The following LRP1B variants were observed in gnomAD, a reference collection of about 807,000 sequenced individuals.
The protein encoded by LRP1B is LDL receptor related protein 1B.
Under a neutral mutation model 556.6 loss-of-function variants are expected in LRP1B, and 217 were observed. That is an observed-to-expected ratio of 0.39 (90% CI 0.35 to 0.44). The LOEUF is 0.44. Among genes scored for constraint, LRP1B ranks in the 20% least tolerant of loss-of-function variants. The pLI is 1.00. For missense variants in LRP1B, 5,053 were observed against 5,620.8 expected, an observed-to-expected ratio of 0.90 and a Z score of 3.23; for synonymous variants, 2,047 against 1,865.8, an observed-to-expected ratio of 1.10 and a Z score of -2.50.
chr2:140,284,298 C>G (rs897210052), intron 84 of LRP1B, among the ~76,000 whole-genome samples: 1 of 125,308 alleles, frequency 8.0e-6, no homozygotes, highest in African/African-American at 3.1e-5. Context: ...TGGCTTCCCC[C>G]CCTCCCCCCC....
At chr2:140,405,155 C>G (rs943378914) in intron 66 of LRP1B, among the ~76,000 whole-genome samples, 3 of 152,112 alleles carry the variant, frequency 2.0e-5, no homozygotes, top group Non-Finnish European at 4.4e-5. Flanking sequence ...TGAAAAAATT[C>G]TTTGAGATGA....
At chr2:140,792,895 A>G (rs1360798564) in intron 32 of LRP1B, among the ~76,000 whole-genome samples, 1 of 152,064 alleles carries the variant, frequency 6.6e-6, no homozygotes, top group Non-Finnish European at 1.5e-5. Context: ...CAAGCTCTGA[A>G]AATAACTAGT....
At chr2:141,145,672 T>C (rs1028364312) in intron 7 of LRP1B, among the ~76,000 whole-genome samples, 2 of 151,638 alleles carry the variant, frequency 1.3e-5, no homozygotes, top group East Asian at 3.9e-4. Context: ...TAGCTGGGAT[T>C]ATAGGCACGC....
At chr2:140,442,335 C>T (rs1878741) in intron 66 of LRP1B, among the ~76,000 whole-genome samples, 169 bp downstream of exon 66, 35,984 of 152,152 alleles carry the variant, frequency 0.24, 4,606 homozygotes, top group Non-Finnish European at 0.28. Context: ...CTCCAGGCTT[C>T]TTGTAAAGTA....
At chr2:140,477,858 T>A (rs1197742206) in intron 59 of LRP1B, among the ~76,000 whole-genome samples, 4 of 152,088 alleles carry the variant, frequency 2.6e-5, no homozygotes, top group Non-Finnish European at 4.4e-5. Flanking sequence ...GGCCCAAATA[T>A]ACCTCTCCAA....
intron 6 of LRP1B, among the ~76,000 whole-genome samples, chr2:141,219,302 C>T (rs1682940529): frequency 6.6e-6 from 1 of 152,190 alleles, no homozygotes; most frequent in Non-Finnish European, 1.5e-5. Context: ...AGAGGAATTC[C>T]CCCACAGCGA....
chr2:141,824,364 T>C lies in LRP1B; in HGVS notation c.83-13963A>G, dbSNP rs111566207. Among the ~76,000 whole-genome samples the C allele has an allele frequency of 4.3e-3, 657 of 152,290 alleles. 6 individuals are homozygous for C. The highest frequency in any genetic ancestry group is 0.015 in the African/African-American group (633 of 41,570). ...ACATCTGTCAAAAAGCCTGTTCTCA[T>C]AACCCTTCATGGAATTTTTCTCAAG... On this transcript the variant is annotated intron_variant, in intron 1 of 90. Coordinates refer to ENST00000389484, the MANE Select transcript of LRP1B (RefSeq NM_018557.3).
At chr2:141,521,897 T>A (rs1684541257) in intron 2 of LRP1B, among the ~76,000 whole-genome samples, 1 of 152,168 alleles carries the variant, frequency 6.6e-6, no homozygotes, top group African/African-American at 2.4e-5. Context: ...TTTTAACAAA[T>A]ATATACTGAG....
chr2:141,067,143 GAAC>G (rs1213516011), intron 7 of LRP1B, among the ~76,000 whole-genome samples: 1 of 151,750 alleles, frequency 6.6e-6, no homozygotes, highest in Admixed American at 6.6e-5. Context: ...TACAAAACTT[GAAC>G]AAGAAAGTAA....
intron 43 of LRP1B, among the ~76,000 whole-genome samples, chr2:140,560,334 T>C (rs539437788): frequency 6.6e-5 from 10 of 152,174 alleles, no homozygotes; most frequent in Non-Finnish European, 1.0e-4. Flanking sequence ...AGTTTATTAA[T>C]ACAGTTGCAG....
At chr2:140,491,231 G>T (rs1461713016) in intron 57 of LRP1B, among the ~76,000 whole-genome samples, 3 of 152,088 alleles carry the variant, frequency 2.0e-5, no homozygotes, top group African/African-American at 7.2e-5. Flanking sequence ...TGAAGATAAT[G>T]AATATTGTTC....
At chr2:141,282,861 G>A (rs570372231) in intron 3 of LRP1B, among the ~76,000 whole-genome samples, 15 of 152,212 alleles carry the variant, frequency 9.9e-5, no homozygotes, top group South Asian at 2.1e-4. Flanking sequence ...AATGTCTTAC[G>A]GGTGTAGAGG....
intron 84 of LRP1B, among the ~76,000 whole-genome samples, chr2:140,287,904 T>C (rs1216551273): frequency 9.0e-5 from 1 of 11,066 alleles, no homozygotes; most frequent in Non-Finnish European, 8.0e-4. Context: ...GTTGGAACTT[T>C]CACTTTATTT....
chr2:141,436,521 G>C (rs1680771426), intron 3 of LRP1B, among the ~76,000 whole-genome samples: 1 of 151,886 alleles, frequency 6.6e-6, no homozygotes, highest in African/African-American at 2.4e-5. Flanking sequence ...ACAATTTCTA[G>C]AGACCTTTCC....
chr2:142,063,441 G>C lies in LRP1B; in HGVS notation c.82+67207C>G, dbSNP rs898711351. Among the ~76,000 whole-genome samples the C allele has an allele frequency of 4.9e-4, 74 of 151,620 alleles. 1 individual carries two copies. Among genetic ancestry groups the C allele is most frequent in the Admixed American group, 4.2e-3 (64 of 15,162 alleles). ...TAATGAGTAGCACTGAAACTGATGT[G>C]AACAATCAGTATCAAACTTTGAATT... is the stretch of plus-strand genomic sequence containing the variant. On this transcript the variant is annotated intron_variant, in intron 1 of 90. Coordinates refer to ENST00000389484, the MANE Select transcript of LRP1B (RefSeq NM_018557.3).
At chr2:141,204,335 C>G (rs1276093021) in intron 6 of LRP1B, among the ~76,000 whole-genome samples, 1 of 152,084 alleles carries the variant, frequency 6.6e-6, no homozygotes, top group African/African-American at 2.4e-5. Context: ...GAAATTACTT[C>G]CAGGAATAAC....
intron 3 of LRP1B, among the ~76,000 whole-genome samples, chr2:141,414,227 G>A (rs1222983595): frequency 8.7e-6 from 1 of 115,412 alleles, no homozygotes; most frequent in Non-Finnish European, 1.7e-5. Context: ...ACAAGAGTGA[G>A]ACTCTATCTC....
chr2:140,926,268 C>A (rs1328520049), intron 20 of LRP1B, among the ~76,000 whole-genome samples: 6 of 152,012 alleles, frequency 3.9e-5, no homozygotes, highest in African/African-American at 1.4e-4. Flanking sequence ...TGTGTAACTC[C>A]TTGTCTTGGT....
Position 140,548,839 on chromosome 2 carries a change from C to A in LRP1B, c.7195-6868G>T, listed in dbSNP as rs1238496075. On this transcript the variant is annotated intron_variant, in intron 43 of 90. Coordinates refer to ENST00000389484, the MANE Select transcript of LRP1B (RefSeq NM_018557.3). ...ACTCAGGAGGCTAAGGCAGGAAAAT[C>A]GCTTGAACCCGGGAGGCAAAGGTTG... Among the ~76,000 whole-genome samples, 4 of 152,036 alleles carry A rather than the reference C, an allele frequency of 2.6e-5. No homozygotes were observed. The East Asian group carries it at 7.8e-4, about 30-fold the overall frequency.
Sources: gnomAD v4.1 joint callset for allele counts (sites outside exome capture counted in the v4.1 genomes callset) on GRCh38, gnomAD v4.1.1 for gene constraint, MANE v1.5 for transcripts, NCBI Gene and HGNC (gene_info 2026-07-23, HGNC 2026-07-21) for gene names.